ESYT2: variants seen among roughly 807,000 people sequenced by gnomAD.
ESYT2 encodes the protein extended synaptotagmin 2.
A neutral mutation model predicts 107.2 loss-of-function variants in ESYT2; 54 were observed. That is an observed-to-expected ratio of 0.50 (90% CI 0.40 to 0.63). The LOEUF (loss-of-function observed/expected upper bound fraction) is 0.63. Ranked by LOEUF, ESYT2 falls within the 30% of genes least tolerant of loss-of-function variation. The pLI is 0.00. For synonymous variants in ESYT2, 491 were observed against 434.1 expected (o/e 1.13, Z -1.63); for missense variants, 1,020 against 1,094.5 (o/e 0.93, Z 0.96).
chr7:158,811,871 G>A (rs1396854483), intron 1 of ESYT2, among the ~76,000 whole-genome samples: 1 of 152,222 alleles, frequency 6.6e-6, no homozygotes, highest in Non-Finnish European at 1.5e-5. Flanking sequence ...GGGAAGAAGG[G>A]TACAGTCTCT....
In ESYT2 at chr7:158,829,254, G is replaced by A. The variant is rs1006268497; in HGVS notation, c.165C>T (p.Tyr55=). The change falls in exon 1 of 23, where the codon TAC becomes TAT. Residue 55 remains tyrosine, a synonymous_variant. Coordinates refer to ENST00000275418, the MANE Select transcript of ESYT2 (RefSeq NM_001367773.1). ...GAACCCAGCTGAAGCTGAGCCCCAG[G>A]TAGCCCAGCGCGTACACGGGCAGCA... The part of the protein sequence containing the change: ...ALLLPVYALG[Y]LGLSFSWVLL... 5.9e-6 allele frequency: 9 copies of A among 1,526,354 alleles called. No individual in the cohort carries two copies. The African/African-American group carries it at 7.1e-5, about 12-fold the overall frequency. The allele number at this position is 1,526,354 out of a possible 1,614,324, so 94.6% of individuals were successfully genotyped here. A position where few individuals can be genotyped will look rare whatever the true frequency, so the allele number is the denominator to read the frequency against.
intron 1 of ESYT2, among the ~76,000 whole-genome samples, chr7:158,827,159 T>C (rs1840480003): frequency 8.3e-6 from 1 of 120,808 alleles, no homozygotes; most frequent in Non-Finnish European, 1.6e-5. Flanking sequence ...AGAGGCTCTG[T>C]CTCAAAAAAA....
intron 1 of ESYT2, among the ~76,000 whole-genome samples, chr7:158,807,048 A>G (rs1218734869): frequency 6.6e-6 from 1 of 151,758 alleles, no homozygotes; most frequent in African/African-American, 2.4e-5. Flanking sequence ...AAACTACATG[A>G]GATTGTAAAA....
chr7:158,736,530 A>C (rs947267988), intron 20 of ESYT2, among the ~76,000 whole-genome samples: 19 of 152,184 alleles, frequency 1.2e-4, no homozygotes, highest in African/African-American at 4.6e-4. Context: ...CTGACCACAG[A>C]AGCAGGCTCC....
At chr7:158,809,518 A>C (rs1400097253) in intron 1 of ESYT2, among the ~76,000 whole-genome samples, 1 of 149,540 alleles carries the variant, frequency 6.7e-6, no homozygotes, top group Admixed American at 6.6e-5. Flanking sequence ...TGAGGGGGGC[A>C]AAAGTATTTG....
chr7:158,776,910 T>A (rs1344650975), intron 6 of ESYT2, among the ~76,000 whole-genome samples: 2 of 148,498 alleles, frequency 1.3e-5, no homozygotes. Context: ...TGGAGTGCAA[T>A]GGCGCCATCT....
At chr7:158,779,145 G>A (rs529994713) in intron 6 of ESYT2, among the ~76,000 whole-genome samples, 113 of 152,298 alleles carry the variant, frequency 7.4e-4, no homozygotes, top group African/African-American at 2.6e-3. Context: ...AAATCTGAAA[G>A]ATGGCTTCTT....
chr7:158,761,496 T>C lies in ESYT2; in HGVS notation c.1233A>G (p.Glu411=). The change falls in exon 11 of 23, where the codon GAA becomes GAG. Residue 411 remains glutamate, a splice_region_variant and synonymous_variant. Coordinates refer to ENST00000275418, the MANE Select transcript of ESYT2 (RefSeq NM_001367773.1). ...IEVEKERLLD[E]WFTLDEVPKG... ...AGACCCACACTCCAGGGAAACTTACTTCATCTAAAAGGCGCTCCTTTTCAA... is the reference window on the plus strand; with the variant it reads ...AGACCCACACTCCAGGGAAACTTACCTCATCTAAAAGGCGCTCCTTTTCAA... 3 of 1,614,068 alleles carry C rather than the reference T, an allele frequency of 1.9e-6. No homozygotes were observed. The highest frequency in any genetic ancestry group is 2.5e-6 in the Non-Finnish European group (3 of 1,179,966).
At chr7:158,798,908 G>A in intron 2 of ESYT2, 123 bp downstream of exon 2, 1 of 865,368 alleles carries the variant, frequency 1.2e-6, no homozygotes, top group Admixed American at 2.4e-5. Flanking sequence ...GGGACCAGAA[G>A]CCAACCCACT....
chr7:158,743,561 T>C lies in ESYT2; in HGVS notation c.1762A>G (p.Asn588Asp), dbSNP rs139224669. The C allele has an allele frequency of 3.3e-5, 53 of 1,612,838 alleles. No homozygotes were observed. Among genetic ancestry groups the C allele is most frequent in the Non-Finnish European group, 4.2e-5 (49 of 1,179,630 alleles). ...QRFQLSNSGPNSTIKMKIALR... is the reference protein window; with the variant it reads ...QRFQLSNSGPDSTIKMKIALR... ...GCAATCTTCATCTTGATGGTGCTGT[T>C]TGGACCCGAGTTACTGAGCTGGAAG... Residue 588 changes from asparagine to aspartate, a missense_variant, in exon 17 of 23, where the codon AAC (asparagine) becomes GAC (aspartate). By Grantham distance (23) the Asn-to-Asp change is conservative. Transcript: ENST00000275418.
At chr7:158,738,355 A>G (rs1837055177) in intron 19 of ESYT2, among the ~76,000 whole-genome samples, 1 of 149,676 alleles carries the variant, frequency 6.7e-6, no homozygotes, top group African/African-American at 2.5e-5. Flanking sequence ...ACACACACAC[A>G]CACACACACA....
In ESYT2 at chr7:158,734,027, A is replaced by G. The variant is rs1836831424; in HGVS notation, c.*180T>C. 1.4e-6 allele frequency: 1 copy of G among 701,002 alleles called. No individual in the cohort carries two copies. The highest frequency in any genetic ancestry group is 2.3e-6 in the Non-Finnish European group (1 of 431,978). The allele number at this position is 701,002 out of a possible 1,614,324, so 43.4% of individuals were successfully genotyped here. A position where few individuals can be genotyped will look rare whatever the true frequency, so the allele number is the denominator to read the frequency against. ...AAATCCTAGAGGAAATCCAACACAGAAAATTCAATGATAATATTGGCCAAA... is the reference window on the plus strand; with the variant it reads ...AAATCCTAGAGGAAATCCAACACAGGAAATTCAATGATAATATTGGCCAAA... On this transcript the variant is annotated 3_prime_UTR_variant, in exon 23 of 23. Transcript: ENST00000275418.
intron 19 of ESYT2, 76 bp from the exon 20 acceptor site, chr7:158,737,255 T>TATAA: frequency 1.3e-6 from 2 of 1,509,342 alleles, no homozygotes; most frequent in Non-Finnish European, 1.8e-6. Flanking sequence ...AGATATGCTT[T>TATAA]ATCAAGCTTT....
intron 1 of ESYT2, among the ~76,000 whole-genome samples, chr7:158,825,126 CTACTAAA>C (rs1840401782): frequency 6.6e-6 from 1 of 152,164 alleles, no homozygotes; most frequent in Non-Finnish European, 1.5e-5. Context: ...AACCCTGTCT[CTACTAAA>C]AACACAAAAA....
rs1563611035 is a variant in ESYT2 at position 158,733,985 on chromosome 7, CGTT to C, written c.*219_*221del. The stretch of plus-strand genomic sequence containing the variant: ...CAAGAGCTACCGCCGCCCTACTGCA[CGTT>C]GTAGGAACTGGCGAAATCCTAGAGG... On this transcript the variant is annotated 3_prime_UTR_variant, in exon 23 of 23. Coordinates refer to ENST00000275418, the MANE Select transcript of ESYT2 (RefSeq NM_001367773.1). 1.8e-6 allele frequency: 1 copy of C among 547,176 alleles called. No homozygotes were observed. The highest frequency in any genetic ancestry group is 1.9e-5 in the African/African-American group (1 of 52,442). The allele number at this position is 547,176 out of a possible 1,614,324, so 33.9% of individuals were successfully genotyped here. A position where few individuals can be genotyped will look rare whatever the true frequency, so the allele number is the denominator to read the frequency against.
chr7:158,738,327 ATACACACACACACAC>A (rs1563614916), intron 19 of ESYT2, among the ~76,000 whole-genome samples: 3 of 105,426 alleles, frequency 2.8e-5, no homozygotes, highest in East Asian at 3.0e-4. Flanking sequence ...AAAAAAAAAA[ATACACACACACACAC>A]AGACACACAC....
At chr7:158,769,650 G>A (rs541655623) in intron 7 of ESYT2, among the ~76,000 whole-genome samples, 1 of 152,236 alleles carries the variant, frequency 6.6e-6, no homozygotes, top group Admixed American at 6.5e-5. Context: ...GCTTAGAGAC[G>A]CTTATCAAAA....
rs1839375906 is a variant in ESYT2, at chr7:158,793,694, A to T, written c.540T>A (p.Thr180=). 3 of 1,613,522 alleles carry T rather than the reference A, an allele frequency of 1.9e-6. No homozygotes were observed. The highest frequency in any genetic ancestry group is 1.7e-6 in the Non-Finnish European group (2 of 1,179,860). Residue 180 remains threonine (T), a synonymous_variant, in exon 4 of 23, where the codon ACT becomes ACA. Transcript: ENST00000275418. ...TAATTTGCCTTTTGTCTACATTTTC[A>T]GTGTATACCTTAACACCATTGATCC... The part of the protein sequence containing the change: ...PLRINGVKVY[T]ENVDKRQIIL...
chr7:158,781,511 G>A (rs186457032), intron 6 of ESYT2, among the ~76,000 whole-genome samples: 2 of 151,738 alleles, frequency 1.3e-5, no homozygotes, highest in African/African-American at 2.4e-5. Context: ...GAACGTGTGA[G>A]AACAAAGTGT....
Sources: allele counts gnomAD v4.1 joint callset (sites outside exome capture counted in the v4.1 genomes callset), GRCh38; gene constraint gnomAD v4.1.1; transcripts MANE v1.5; gene names NCBI Gene and HGNC (gene_info 2026-07-23, HGNC 2026-07-21).